The following LIN52 variants were observed in gnomAD, a reference collection of about 807,000 sequenced individuals.
The protein encoded by LIN52 is lin-52 DREAM MuvB core complex component, also known as protein lin-52 homolog.
LIN52 carries 4 observed loss-of-function variants against 18.5 expected under a neutral mutation model. That is an observed-to-expected ratio of 0.22 (90% CI 0.11 to 0.49). LIN52 has a LOEUF of 0.49. LIN52 is among the 20% of genes least tolerant of loss of function. The pLI is 0.97. For synonymous variants in LIN52, 34 were observed against 45.5 expected (o/e 0.75, Z 1.02); for missense variants, 102 against 139.5 (o/e 0.73, Z 1.35).
intron 5 of LIN52, among the ~76,000 whole-genome samples, chr14:74,162,252 G>A (rs1384898125): frequency 6.6e-6 from 1 of 152,112 alleles, no homozygotes; most frequent in East Asian, 1.9e-4. Context: ...GAGGTGGACA[G>A]ATCATTTGAG....
At chr14:74,186,641 A>G (rs892528414) in intron 5 of LIN52, among the ~76,000 whole-genome samples, 3 of 152,040 alleles carry the variant, frequency 2.0e-5, no homozygotes, top group African/African-American at 7.2e-5. Context: ...TCTCAGGGGG[A>G]ACAAAAAGTT....
intron 5 of LIN52, among the ~76,000 whole-genome samples, chr14:74,110,158 G>A (rs2060918074): frequency 6.6e-6 from 1 of 152,200 alleles, no homozygotes; most frequent in African/African-American, 2.4e-5. Context: ...GATATAAGTA[G>A]TTGCTTCTGC....
intron 5 of LIN52, among the ~76,000 whole-genome samples, chr14:74,138,154 G>A (rs921475707): frequency 2.0e-5 from 3 of 152,114 alleles, no homozygotes; most frequent in East Asian, 1.9e-4. Context: ...CTGATCTAAC[G>A]TTTTTCACAC....
chr14:74,130,387 C>T (rs1450084788), intron 5 of LIN52, among the ~76,000 whole-genome samples: 1 of 147,110 alleles, frequency 6.8e-6, no homozygotes, highest in East Asian at 2.0e-4. Context: ...AAGCGATTCT[C>T]CTGCCTCAGC....
intron 5 of LIN52, chr14:74,174,707 A>G (rs1170171866): frequency 6.6e-6 from 1 of 151,958 alleles, no homozygotes; most frequent in Non-Finnish European, 1.5e-5. Flanking sequence ...ATGCCTGTGA[A>G]TAGCTGCTGC....
At chr14:74,124,363 G>A (rs2061016067) in intron 5 of LIN52, among the ~76,000 whole-genome samples, 1 of 152,176 alleles carries the variant, frequency 6.6e-6, no homozygotes, top group Non-Finnish European at 1.5e-5. Flanking sequence ...AATAAATACT[G>A]TAAGTAGATT....
intron 5 of LIN52, among the ~76,000 whole-genome samples, chr14:74,153,655 C>T (rs2061186490): frequency 6.6e-6 from 1 of 151,900 alleles, no homozygotes; most frequent in Non-Finnish European, 1.5e-5. Context: ...AGTGATTCTC[C>T]TGCCTCAGCC....
intron 5 of LIN52, among the ~76,000 whole-genome samples, chr14:74,148,754 G>C (rs1323912320): frequency 6.6e-6 from 1 of 151,770 alleles, no homozygotes; most frequent in Non-Finnish European, 1.5e-5. Flanking sequence ...AAAAAAAATT[G>C]CTTGATTGTC....
At chr14:74,154,302 T>C (rs2061189127) in intron 5 of LIN52, among the ~76,000 whole-genome samples, 1 of 152,206 alleles carries the variant, frequency 6.6e-6, no homozygotes. Flanking sequence ...ATTTGTCTGA[T>C]GTATTTTTCA....
intron 5 of LIN52, among the ~76,000 whole-genome samples, chr14:74,183,678 A>G (rs986819799): frequency 2.0e-5 from 3 of 152,170 alleles, no homozygotes; most frequent in African/African-American, 7.2e-5. Context: ...TTCAAAAATG[A>G]TCAACTTTCT....
intron 5 of LIN52, among the ~76,000 whole-genome samples, chr14:74,193,763 G>T (rs1028745920): frequency 8.5e-5 from 13 of 152,182 alleles, no homozygotes; most frequent in Non-Finnish European, 1.8e-4. Flanking sequence ...GTGGCCCAGG[G>T]TCAATGTAAG....
At chr14:74,198,418 G>C (rs115359208) in intron 5 of LIN52, among the ~76,000 whole-genome samples, 1 of 152,142 alleles carries the variant, frequency 6.6e-6, no homozygotes, top group Admixed American at 6.5e-5. Flanking sequence ...CAGATGAACT[G>C]CACTGAGGGA....
At chr14:74,169,544 A>G (rs1461537949) in intron 5 of LIN52, among the ~76,000 whole-genome samples, 2 of 152,178 alleles carry the variant, frequency 1.3e-5, no homozygotes, top group Non-Finnish European at 2.9e-5. Flanking sequence ...TTGCCAGACA[A>G]TTAGAATCAT....
At chr14:74,124,809 TCAA>T (rs2061019228) in intron 5 of LIN52, among the ~76,000 whole-genome samples, 1 of 39,018 alleles carries the variant, frequency 2.6e-5, no homozygotes. Flanking sequence ...AGACCCTGTC[TCAA>T]AAAAAAAAAA....
At chr14:74,170,385 A>G (rs1474935896) in intron 5 of LIN52, among the ~76,000 whole-genome samples, 11 of 152,178 alleles carry the variant, frequency 7.2e-5, no homozygotes, top group Non-Finnish European at 1.3e-4. Context: ...TATATCTTCT[A>G]TAGGTTCTTA....
intron 5 of LIN52, among the ~76,000 whole-genome samples, chr14:74,162,527 A>G (rs909854323): frequency 6.6e-6 from 1 of 150,390 alleles, no homozygotes; most frequent in Non-Finnish European, 1.5e-5. Context: ...GCCACATTGA[A>G]TTTTCTTACT....
In LIN52 at chr14:74,201,126, T is replaced by G. The variant is rs1027888710; in HGVS notation, c.*2149T>G. 4 of 152,234 alleles carry G rather than the reference T, an allele frequency of 2.6e-5. No homozygotes were observed. The highest frequency in any genetic ancestry group is 5.9e-5 in the Non-Finnish European group (4 of 68,034). The allele number at this position is 152,234 out of a possible 1,614,324, so 9.4% of individuals were successfully genotyped here. A position where few individuals can be genotyped will look rare whatever the true frequency, so the allele number is the denominator to read the frequency against. On this transcript the variant is annotated 3_prime_UTR_variant, in exon 6 of 6. Coordinates refer to ENST00000555028, the MANE Select transcript of LIN52 (RefSeq NM_001024674.3). Reference sequence around the variant, plus strand: ...TGTTAATGATGTATTTTTATATTGATAATATAAATTTATGTACAGTATGTG... The same window carrying G: ...TGTTAATGATGTATTTTTATATTGAGAATATAAATTTATGTACAGTATGTG...
chr14:74,117,039 T>C (rs2060969714), intron 5 of LIN52, among the ~76,000 whole-genome samples: 1 of 152,208 alleles, frequency 6.6e-6, no homozygotes, highest in Non-Finnish European at 1.5e-5. Context: ...AACAAAATTG[T>C]ACTTAAATCT....
intron 2 of LIN52, among the ~76,000 whole-genome samples, chr14:74,093,360 T>C (rs2060786066): frequency 6.7e-6 from 1 of 149,858 alleles, no homozygotes; most frequent in African/African-American, 2.5e-5. Context: ...GTTTCACTCT[T>C]GTTCCCCAGG....
Sources: gnomAD v4.1 joint callset for allele counts (sites outside exome capture counted in the v4.1 genomes callset) on GRCh38, gnomAD v4.1.1 for gene constraint, MANE v1.5 for transcripts, NCBI Gene and HGNC (gene_info 2026-07-23, HGNC 2026-07-21) for gene names.